The following ENTREP2 variants were observed in gnomAD, a reference collection of about 807,000 sequenced individuals.
The protein encoded by ENTREP2 is endosomal transmembrane epsin interactor 2.
At chr15:29,558,342 C>G in the ENTREP2 span, among the ~76,000 whole-genome samples, 6 of 152,148 alleles carry the variant, frequency 3.9e-5, no homozygotes, top group African/African-American at 1.4e-4. Flanking sequence ...CTCCAGCATC[C>G]TAGCCCACCA....
chr15:29,504,146 C>A, the ENTREP2 span, among the ~76,000 whole-genome samples: 5 of 152,078 alleles, frequency 3.3e-5, no homozygotes, highest in South Asian at 4.2e-4. Flanking sequence ...CATTAAGGTG[C>A]CCCAGGAATT....
At chr15:29,638,264 C>T in the ENTREP2 span, among the ~76,000 whole-genome samples, 4 of 152,210 alleles carry the variant, frequency 2.6e-5, no homozygotes, top group African/African-American at 4.8e-5. Flanking sequence ...TTCTCCACCT[C>T]GGCACTGCTG....
the ENTREP2 span, among the ~76,000 whole-genome samples, chr15:29,594,318 G>A: frequency 0.53 from 79,772 of 151,832 alleles, 21,593 homozygotes; most frequent in Non-Finnish European, 0.6. Context: ...CTCACCTCCC[G>A]CTGTTCTTCA....
chr15:29,506,039 A>G, the ENTREP2 span, among the ~76,000 whole-genome samples: 1 of 152,148 alleles, frequency 6.6e-6, no homozygotes, highest in Admixed American at 6.5e-5. Context: ...ATTGCTAACC[A>G]GAATAGCCAG....
chr15:29,149,265 G>C, the ENTREP2 span, among the ~76,000 whole-genome samples: 1 of 152,136 alleles, frequency 6.6e-6, no homozygotes, highest in African/African-American at 2.4e-5. Flanking sequence ...CCCTTTCACC[G>C]AACCTTTCCA....
the ENTREP2 span, among the ~76,000 whole-genome samples, chr15:29,206,284 C>G: frequency 2.0e-5 from 3 of 152,128 alleles, no homozygotes; most frequent in South Asian, 6.2e-4. Context: ...AAGGCACTAA[C>G]CCACTCATGC....
At chr15:29,231,907 T>TTTTTTTTTTA in the ENTREP2 span, among the ~76,000 whole-genome samples, 1 of 149,932 alleles carries the variant, frequency 6.7e-6, no homozygotes, top group Admixed American at 6.7e-5. Context: ...TTTTTTTTTT[T>TTTTTTTTTTA]TGAGACGGAG....
the ENTREP2 span, among the ~76,000 whole-genome samples, chr15:29,176,625 C>A: frequency 6.6e-6 from 1 of 152,238 alleles, no homozygotes; most frequent in African/African-American, 2.4e-5. Context: ...ACGGGCCCCA[C>A]TTCATGCTGA....
At chr15:29,371,910 A>AG in the ENTREP2 span, among the ~76,000 whole-genome samples, 63 of 118,718 alleles carry the variant, frequency 5.3e-4, no homozygotes, top group South Asian at 2.0e-3. Flanking sequence ...AAAAATAAAT[A>AG]AATAGATAGA....
chr15:29,521,657 T>C, the ENTREP2 span, among the ~76,000 whole-genome samples: 4 of 152,096 alleles, frequency 2.6e-5, no homozygotes, highest in Non-Finnish European at 1.5e-5. Flanking sequence ...TCCCTCTTTG[T>C]CTCTGGGGCA....
At chr15:29,506,276 G>A in the ENTREP2 span, among the ~76,000 whole-genome samples, 1 of 152,132 alleles carries the variant, frequency 6.6e-6, no homozygotes, top group Non-Finnish European at 1.5e-5. Context: ...CCAAACCTAC[G>A]ATTGATTGGT....
chr15:29,532,381 G>A, the ENTREP2 span, among the ~76,000 whole-genome samples: 8 of 152,090 alleles, frequency 5.3e-5, no homozygotes, highest in Non-Finnish European at 7.4e-5. Context: ...ATTCATGGCC[G>A]AGATACACTA....
chr15:29,651,619 T>C, the ENTREP2 span, among the ~76,000 whole-genome samples: 2 of 152,226 alleles, frequency 1.3e-5, no homozygotes, highest in Non-Finnish European at 2.9e-5. Flanking sequence ...GTCTCTGCTC[T>C]GCTGCCTGGC....
chr15:29,530,802 T>A, the ENTREP2 span, among the ~76,000 whole-genome samples: 1 of 152,228 alleles, frequency 6.6e-6, no homozygotes, highest in East Asian at 1.9e-4. Context: ...TTTCTATGAC[T>A]TCCATTTGGG....
the ENTREP2 span, among the ~76,000 whole-genome samples, chr15:29,577,313 G>GGTGTGTGTGTGTGTGTGTGT: frequency 1.9e-4 from 27 of 139,906 alleles, no homozygotes; most frequent in Admixed American, 5.8e-4. Flanking sequence ...GACTCAAAGA[G>GGTGTGTGTGTGTGTGTGTGT]GTGTGTGTGT....
the ENTREP2 span, among the ~76,000 whole-genome samples, chr15:29,519,035 G>A: frequency 3.3e-5 from 5 of 152,202 alleles, no homozygotes; most frequent in Non-Finnish European, 7.4e-5. Flanking sequence ...TCCCCAAGCT[G>A]TTCTCAGTAA....
the ENTREP2 span, among the ~76,000 whole-genome samples, chr15:29,650,413 T>C: frequency 6.6e-6 from 1 of 151,882 alleles, no homozygotes; most frequent in Admixed American, 6.6e-5. Context: ...GACAATATGG[T>C]GAAACCCCAT....
the ENTREP2 span, among the ~76,000 whole-genome samples, chr15:29,149,437 G>A: frequency 1.3e-5 from 2 of 152,230 alleles, no homozygotes; most frequent in Non-Finnish European, 1.5e-5. Context: ...CAGCTTCCTG[G>A]AGCAGAAATG....
the ENTREP2 span, among the ~76,000 whole-genome samples, chr15:29,558,528 C>T: frequency 4.6e-5 from 7 of 151,328 alleles, no homozygotes; most frequent in East Asian, 6.1e-4. Flanking sequence ...CCCAACCTCC[C>T]CTCAAACCCT....
Sources: allele counts gnomAD v4.1 joint callset (sites outside exome capture counted in the v4.1 genomes callset), GRCh38; gene constraint gnomAD v4.1.1; transcripts MANE v1.5; gene names NCBI Gene and HGNC (gene_info 2026-07-23, HGNC 2026-07-21).